TCEANC2: variants seen among roughly 807,000 people sequenced by gnomAD.
The protein encoded by TCEANC2 is transcription elongation factor A N-terminal and central domain containing 2, also known as transcription elongation factor A N-terminal and central domain-containing protein 2.
Under a neutral mutation model 22.8 loss-of-function variants are expected in TCEANC2, and 20 were observed. The observed-to-expected ratio is 0.88, with a 90% CI of 0.62 to 1.28. TCEANC2 has a LOEUF of 1.28. Ranked by LOEUF, TCEANC2 falls within the 50% of genes most tolerant of loss-of-function variation. The pLI, the probability that TCEANC2 is intolerant of heterozygous loss-of-function variation, is 0.00. For missense variants in TCEANC2, 251 were observed against 249.7 expected, an observed-to-expected ratio of 1.01 and a Z score of -0.03; for synonymous variants, 84 against 95.5, an observed-to-expected ratio of 0.88 and a Z score of 0.70.
intron 3 of TCEANC2, among the ~76,000 whole-genome samples, chr1:54,072,646 CA>C (rs1557689088): frequency 6.6e-6 from 1 of 152,182 alleles, no homozygotes; most frequent in African/African-American, 2.4e-5. Context: ...CTGCCTGCCT[CA>C]GACTCCCAAA....
chr1:54,054,643 T>C, intron 2 of TCEANC2, 119 bp downstream of exon 2: 1 of 990,684 alleles, frequency 1.0e-6, no homozygotes, highest in Non-Finnish European at 1.4e-6. Flanking sequence ...CCTCAAAGTG[T>C]ACCTGACCAC....
intron 3 of TCEANC2, among the ~76,000 whole-genome samples, chr1:54,087,603 C>T (rs1056632066): frequency 3.7e-4 from 57 of 152,156 alleles, no homozygotes; most frequent in African/African-American, 1.4e-3. Context: ...GTATCTAGTG[C>T]ATATTCATAT....
intron 3 of TCEANC2, among the ~76,000 whole-genome samples, chr1:54,081,681 C>G (rs570518721): frequency 1.3e-5 from 1 of 77,526 alleles, no homozygotes; most frequent in East Asian, 4.8e-4. Flanking sequence ...TGCTGTTAGT[C>G]CTCTTTGGAA....
rs549328353 is a variant in TCEANC2, at chr1:54,102,013, A to G, written c.*5540A>G. 23 of 152,378 alleles carry G rather than the reference A, an allele frequency of 1.5e-4. No individual in the cohort carries two copies. Among genetic ancestry groups the G allele is most frequent in the African/African-American group, 5.5e-4 (23 of 41,592 alleles). 9.4% of individuals were successfully genotyped at this position (152,378 alleles called of 1,614,324 possible). A position where few individuals can be genotyped will look rare whatever the true frequency, so the allele number is the denominator to read the frequency against. ...CAATGGTCTGGGATGTGGCAGGGAC[A>G]TTCTCTTGAAAGTAAAAGACAATTA... On this transcript the variant is annotated 3_prime_UTR_variant, in exon 5 of 5. Coordinates refer to ENST00000234827, the MANE Select transcript of TCEANC2 (RefSeq NM_153035.3).
intron 3 of TCEANC2, among the ~76,000 whole-genome samples, chr1:54,074,479 G>T (rs1160100185): frequency 6.6e-6 from 1 of 151,866 alleles, no homozygotes. Context: ...AAAAAATATA[G>T]TAGATAAGCT....
At chr1:54,067,374 C>T (rs1657977793) in intron 2 of TCEANC2, among the ~76,000 whole-genome samples, 1 of 152,176 alleles carries the variant, frequency 6.6e-6, no homozygotes, top group African/African-American at 2.4e-5. Flanking sequence ...TTGTGGATGG[C>T]TGGCAGAAGG....
At chr1:54,063,587 T>G (rs1459490129) in intron 2 of TCEANC2, among the ~76,000 whole-genome samples, 7 of 152,206 alleles carry the variant, frequency 4.6e-5, no homozygotes, top group Admixed American at 1.3e-4. Flanking sequence ...AATCCAACAC[T>G]TTTGAGTGCC....
At position 54,081,120 on chromosome 1, in the gene TCEANC2, T is replaced by C. The variant is rs141650787; in HGVS notation, c.245-7477T>C. On this transcript the variant is annotated intron_variant, in intron 3 of 4. Transcript: ENST00000234827. Reference sequence around the variant, plus strand: ...TTACCTCGCCTCTCAGTACCTCAGGTATCTTTACCTGTAAAATGGGGAACT... The same window carrying C: ...TTACCTCGCCTCTCAGTACCTCAGGCATCTTTACCTGTAAAATGGGGAACT... Among the ~76,000 whole-genome samples the C allele has an allele frequency of 2.2e-4, 34 of 152,340 alleles. No homozygotes were observed. The East Asian group carries it at 6.2e-3, about 28-fold the overall frequency.
intron 3 of TCEANC2, among the ~76,000 whole-genome samples, chr1:54,074,706 A>C (rs1204532991): frequency 6.6e-6 from 1 of 152,250 alleles, no homozygotes; most frequent in Non-Finnish European, 1.5e-5. Context: ...CAAATAAGAT[A>C]CATCTAAAAA....
rs559600866 is a variant in TCEANC2 at position 54,060,370 on chromosome 1, G to A, written c.102+5846G>A. Among the ~76,000 whole-genome samples, 52 of 151,178 alleles carry A rather than the reference G, an allele frequency of 3.4e-4. No individual in the cohort carries two copies. In the South Asian group the frequency reaches 4.4e-3, roughly 13 times the overall value. On this transcript the variant is annotated intron_variant, in intron 2 of 4. Transcript: ENST00000234827. ...CAGTGAGCTGAGATTGCGCCACTGC[G>A]CTCCAAGCTGGGCGACAGAGCGAGA...
chr1:54,066,699 T>C (rs1354451680), intron 2 of TCEANC2, among the ~76,000 whole-genome samples: 1 of 152,238 alleles, frequency 6.6e-6, no homozygotes. Context: ...TTTGGATAAA[T>C]CAATAAAATA....
At chr1:54,072,306 T>G (rs1471551230) in intron 3 of TCEANC2, among the ~76,000 whole-genome samples, 1 of 152,198 alleles carries the variant, frequency 6.6e-6, no homozygotes, top group African/African-American at 2.4e-5. Context: ...CATTCTCTCT[T>G]CAGCTGACTC....
At chr1:54,084,433 A>G (rs1053015787) in intron 3 of TCEANC2, among the ~76,000 whole-genome samples, 4 of 152,200 alleles carry the variant, frequency 2.6e-5, no homozygotes, top group Non-Finnish European at 4.4e-5. Context: ...ATCACAAACA[A>G]TACTGGAATG....
chr1:54,094,203 CTCTT>C (rs987568762), intron 4 of TCEANC2, among the ~76,000 whole-genome samples: 13 of 152,200 alleles, frequency 8.5e-5, no homozygotes. Flanking sequence ...CACTCTCTCT[CTCTT>C]TCTTTCTCTC....
In TCEANC2 at chr1:54,104,563, A is replaced by G; in HGVS notation, c.*8090A>G. On this transcript the variant is annotated 3_prime_UTR_variant, in exon 5 of 5. Coordinates refer to ENST00000234827, the MANE Select transcript of TCEANC2 (RefSeq NM_153035.3). The stretch of plus-strand genomic sequence containing the variant: ...CAATTTTTTTTTCTTTTTCTTTTTC[A>G]GAGGTGGAGTCTCTGTCACCCAGGC... 1 of 453,924 alleles carries G rather than the reference A, an allele frequency of 2.2e-6. No homozygotes were observed. Among genetic ancestry groups the G allele is most frequent in the African/African-American group, 2.0e-5 (1 of 49,854 alleles). 28.1% of individuals were successfully genotyped at this position (453,924 alleles called of 1,614,324 possible).
chr1:54,071,851 ACCC>A (rs1404495795), intron 3 of TCEANC2, among the ~76,000 whole-genome samples: 3 of 151,504 alleles, frequency 2.0e-5, no homozygotes, highest in African/African-American at 7.3e-5. Context: ...TTTCTGTGTC[ACCC>A]AGGCTGAAGT....
chr1:54,056,910 G>A (rs1415632475), intron 2 of TCEANC2, among the ~76,000 whole-genome samples: 1 of 151,706 alleles, frequency 6.6e-6, no homozygotes. Flanking sequence ...GGTATGGTGG[G>A]GAGCGCCTGT....
chr1:54,078,478 T>C (rs1658183868), intron 3 of TCEANC2, among the ~76,000 whole-genome samples: 1 of 152,172 alleles, frequency 6.6e-6, no homozygotes, highest in Non-Finnish European at 1.5e-5. Context: ...GGTTCTACCA[T>C]CTGCTTGAAT....
chr1:54,084,173 C>T (rs1390850928), intron 3 of TCEANC2, among the ~76,000 whole-genome samples: 1 of 151,982 alleles, frequency 6.6e-6, no homozygotes, highest in African/African-American at 2.4e-5. Flanking sequence ...CCACCTTGCC[C>T]AGCTAATTTT....
Sources: gnomAD v4.1 joint callset for allele counts (sites outside exome capture counted in the v4.1 genomes callset) on GRCh38, gnomAD v4.1.1 for gene constraint, MANE v1.5 for transcripts, NCBI Gene and HGNC (gene_info 2026-07-23, HGNC 2026-07-21) for gene names.